Variants in PARP8 observed in about 807,000 individuals in gnomAD.
The protein encoded by PARP8 is poly(ADP-ribose) polymerase family member 8.
In PARP8, 51 loss-of-function variants were observed where a neutral mutation model predicts 124.1. That is an observed-to-expected ratio of 0.41 (90% CI 0.33 to 0.52). The LOEUF (loss-of-function observed/expected upper bound fraction) is 0.52. Ranked by LOEUF, PARP8 falls within the 20% of genes least tolerant of loss-of-function variation. The pLI is 0.21. For synonymous variants in PARP8, 391 were observed against 361.5 expected, an observed-to-expected ratio of 1.08 and a Z score of -0.93; for missense variants, 860 against 1,018.9, an observed-to-expected ratio of 0.84 and a Z score of 2.12.
intron 2 of PARP8, among the ~76,000 whole-genome samples, chr5:50,714,035 T>C (rs113365919): frequency 2.6e-5 from 4 of 152,166 alleles, no homozygotes; most frequent in African/African-American, 9.6e-5. Flanking sequence ...AGATGATACA[T>C]TTGTGGCATT....
At chr5:50,794,769 A>C (rs1742339458) in intron 11 of PARP8, 84 bp from the exon 12 acceptor site, 4 of 1,210,968 alleles carry the variant, frequency 3.3e-6, no homozygotes, top group Non-Finnish European at 4.7e-6. Context: ...TTATTAGCAC[A>C]GTCGAGTTTG....
At chr5:50,687,235 A>G (rs1751969343) in intron 2 of PARP8, among the ~76,000 whole-genome samples, 1 of 152,268 alleles carries the variant, frequency 6.6e-6, no homozygotes, top group South Asian at 2.1e-4. Context: ...AAGTTCCACA[A>G]ATCTTTAGGG....
At chr5:50,787,922 GTACA>G (rs1218286639) in intron 9 of PARP8, among the ~76,000 whole-genome samples, 3 of 148,988 alleles carry the variant, frequency 2.0e-5, no homozygotes, top group East Asian at 2.0e-4. Flanking sequence ...TATGTTATAT[GTACA>G]TACATACATA....
intron 2 of PARP8, among the ~76,000 whole-genome samples, chr5:50,692,940 A>AT (rs1358860161): frequency 6.6e-6 from 1 of 152,046 alleles, no homozygotes; most frequent in African/African-American, 2.4e-5. Flanking sequence ...AGGACTTTAT[A>AT]TTTTTTTATC....
intron 7 of PARP8, among the ~76,000 whole-genome samples, chr5:50,774,431 T>A (rs1318897278): frequency 1.3e-5 from 2 of 151,896 alleles, no homozygotes; most frequent in Non-Finnish European, 2.9e-5. Context: ...GCAGAGGCGC[T>A]CCTCACTTCC....
At chr5:50,799,640 G>A (rs1042772847) in intron 14 of PARP8, among the ~76,000 whole-genome samples, 4 of 152,080 alleles carry the variant, frequency 2.6e-5, no homozygotes, top group African/African-American at 7.2e-5. Context: ...ATTGTAAATC[G>A]GTTTGAAGAC....
At chr5:50,809,432 A>C (rs1315537484) in intron 14 of PARP8, among the ~76,000 whole-genome samples, 1 of 152,118 alleles carries the variant, frequency 6.6e-6, no homozygotes, top group Non-Finnish European at 1.5e-5. Flanking sequence ...GGATATACAA[A>C]TCAAAATGCT....
At chr5:50,795,494 G>A (rs1349934537) in intron 12 of PARP8, 77 bp downstream of exon 12, 2 of 1,236,528 alleles carry the variant, frequency 1.6e-6, no homozygotes, top group Non-Finnish European at 2.2e-6. Context: ...TATAAGATCT[G>A]GTGGAGAAAA....
chr5:50,762,086 G>T (rs1760602847), intron 6 of PARP8, among the ~76,000 whole-genome samples, 188 bp downstream of exon 6: 1 of 152,102 alleles, frequency 6.6e-6, no homozygotes, highest in Admixed American at 6.6e-5. Flanking sequence ...TTCCCCTGCA[G>T]TCCTTTCAAT....
chr5:50,714,932 C>T (rs1755144753), intron 2 of PARP8, among the ~76,000 whole-genome samples: 1 of 152,108 alleles, frequency 6.6e-6, no homozygotes, highest in African/African-American at 2.4e-5. Context: ...TTTTCTAGCC[C>T]CTTGTCTTTT....
chr5:50,776,687 T>C (rs1427986356), intron 7 of PARP8, among the ~76,000 whole-genome samples: 1 of 152,180 alleles, frequency 6.6e-6, no homozygotes, highest in Non-Finnish European at 1.5e-5. Flanking sequence ...TTTTTGGTCA[T>C]TTATATTAGA....
chr5:50,807,727 T>G (rs1247389095), intron 14 of PARP8, among the ~76,000 whole-genome samples: 1 of 152,096 alleles, frequency 6.6e-6, no homozygotes, highest in Admixed American at 6.6e-5. Context: ...GAATAACAGT[T>G]CCTGCAAAGC....
intron 15 of PARP8, among the ~76,000 whole-genome samples, chr5:50,817,013 T>C (rs75666348): frequency 0.025 from 3,838 of 152,256 alleles, 163 homozygotes; most frequent in African/African-American, 0.088. Context: ...TTTGTGTATG[T>C]GCATATATGT....
chr5:50,741,006 G>T (rs1341576067), intron 2 of PARP8, among the ~76,000 whole-genome samples: 1 of 151,986 alleles, frequency 6.6e-6, no homozygotes, highest in Non-Finnish European at 1.5e-5. Context: ...TTATTCAGTC[G>T]TATTTAGTTT....
chr5:50,769,408 A>T (rs940839777), intron 7 of PARP8, among the ~76,000 whole-genome samples: 5 of 152,070 alleles, frequency 3.3e-5, no homozygotes, highest in Non-Finnish European at 5.9e-5. Flanking sequence ...ATGTCTGATG[A>T]TGATGAGAAT....
intron 2 of PARP8, among the ~76,000 whole-genome samples, chr5:50,692,633 T>C (rs1179219029): frequency 6.6e-6 from 1 of 152,126 alleles, no homozygotes; most frequent in Non-Finnish European, 1.5e-5. Flanking sequence ...CAACCCTACC[T>C]GTGAGAATTC....
At chr5:50,809,846 C>T (rs570477919) in intron 14 of PARP8, among the ~76,000 whole-genome samples, 25 of 150,742 alleles carry the variant, frequency 1.7e-4, no homozygotes, top group Non-Finnish European at 3.3e-4. Flanking sequence ...GAAAACCACT[C>T]ATCTACACCA....
At chr5:50,726,858 A>G (rs1395757074) in intron 2 of PARP8, among the ~76,000 whole-genome samples, 1 of 152,068 alleles carries the variant, frequency 6.6e-6, no homozygotes, top group African/African-American at 2.4e-5. Flanking sequence ...GTTGGGTGGA[A>G]ATATTGTAGA....
intron 17 of PARP8, among the ~76,000 whole-genome samples, chr5:50,824,283 G>A (rs575151087): frequency 6.6e-6 from 1 of 152,292 alleles, no homozygotes; most frequent in South Asian, 2.1e-4. Context: ...TTGTGAAAGA[G>A]AAACTTTACA....
Sources: allele counts gnomAD v4.1 joint callset (sites outside exome capture counted in the v4.1 genomes callset), GRCh38; gene constraint gnomAD v4.1.1; transcripts MANE v1.5; gene names NCBI Gene and HGNC (gene_info 2026-07-23, HGNC 2026-07-21).